ATP11C: variants seen among roughly 807,000 people sequenced by gnomAD.
ATP11C encodes phospholipid-transporting ATPase IG.
In ATP11C, 36 loss-of-function variants were observed where a neutral mutation model predicts 97.4. The observed-to-expected ratio is 0.37, with a 90% CI of 0.28 to 0.49. The LOEUF is 0.49. Ranked by LOEUF, ATP11C falls within the 20% of genes least tolerant of loss-of-function variation. The pLI is 0.98. For synonymous variants in ATP11C, 275 were observed against 290.9 expected (o/e 0.95, Z 0.56); for missense variants, 730 against 824.6 (o/e 0.89, Z 1.40).
intron 18 of ATP11C, among the ~76,000 whole-genome samples, chrX:139,778,209 A>G (rs1257356161): frequency 9.0e-6 from 1 of 111,478 alleles, no homozygotes; most frequent in Non-Finnish European, 1.9e-5. Flanking sequence ...ATCCTGCTAA[A>G]CTAAGCTTCT....
intron 28 of ATP11C, 113 bp downstream of exon 28, chrX:139,737,797 CTGTAAG>C: frequency 4.0e-6 from 3 of 752,193 alleles, no homozygotes; most frequent in Non-Finnish European, 6.2e-6. Flanking sequence ...AGTGATGAAC[CTGTAAG>C]GAGGGGTTTA....
chrX:139,735,367 T>C (rs1036291370), intron 28 of ATP11C, among the ~76,000 whole-genome samples: 2 of 112,192 alleles, frequency 1.8e-5, no homozygotes, highest in Non-Finnish European at 3.8e-5. Context: ...TCTGGCTGTG[T>C]ACATAAAGTG....
chrX:139,860,022 G>A (rs1461145227), intron 1 of ATP11C, among the ~76,000 whole-genome samples: 2 of 79,071 alleles, frequency 2.5e-5, no homozygotes, highest in Non-Finnish European at 4.1e-5. Context: ...GAAGAATGGC[G>A]TGAACCCGGG....
At chrX:139,857,915 G>T (rs1432933287) in intron 1 of ATP11C, among the ~76,000 whole-genome samples, 1 of 112,513 alleles carries the variant, frequency 8.9e-6, no homozygotes, top group African/African-American at 3.2e-5. Flanking sequence ...CAAAACTCAT[G>T]CTGAAATGTG....
intron 1 of ATP11C, among the ~76,000 whole-genome samples, chrX:139,830,027 G>A (rs995449818): frequency 3.6e-5 from 4 of 111,622 alleles, no homozygotes; most frequent in African/African-American, 9.8e-5. Context: ...GACTAGATAA[G>A]AACTGAAGAA....
intron 1 of ATP11C, among the ~76,000 whole-genome samples, chrX:139,930,926 C>A (rs1569494333): frequency 8.9e-6 from 1 of 112,275 alleles, no homozygotes; most frequent in African/African-American, 3.2e-5. Flanking sequence ...ATGAATAAAA[C>A]CAAATCGACA....
intron 23 of ATP11C, among the ~76,000 whole-genome samples, chrX:139,753,579 C>T (rs991639838): frequency 9.0e-6 from 1 of 111,619 alleles, no homozygotes; most frequent in Admixed American, 9.5e-5. Context: ...GAGGCCAACA[C>T]AGGCAGATCA....
intron 1 of ATP11C, among the ~76,000 whole-genome samples, chrX:139,851,821 T>C (rs1274284737): frequency 1.8e-5 from 2 of 112,419 alleles, no homozygotes; most frequent in Admixed American, 9.4e-5. Context: ...TTACTGGGGA[T>C]GAGTTATCCC....
intron 11 of ATP11C, among the ~76,000 whole-genome samples, chrX:139,796,926 C>T (rs1290173781): frequency 1.8e-5 from 2 of 108,875 alleles, no homozygotes; most frequent in Admixed American, 1.9e-4. Flanking sequence ...AGAAAAAAAA[C>T]TCTTTTTTTC....
At chrX:139,931,154 T>C (rs2085426089) in intron 1 of ATP11C, among the ~76,000 whole-genome samples, 1 of 112,300 alleles carries the variant, frequency 8.9e-6, no homozygotes, top group Non-Finnish European at 1.9e-5. Flanking sequence ...CCATTCTTAA[T>C]GTACCCTCTA....
rs1442608467 is a variant in ATP11C at position 139,864,340 on chromosome X, T to C, written c.28-37517A>G. 4.5e-5 allele frequency among the ~76,000 whole-genome samples: 5 copies of C among 112,226 alleles called. No homozygotes were observed. In the Admixed American group the frequency reaches 4.7e-4, roughly 11 times the overall value. The stretch of plus-strand genomic sequence containing the variant: ...AACTTCAAGAAATGCAAGGTTCTTT[T>C]ACCTTTGTGCCAATTTTTGAAAGTA... On this transcript the variant is annotated intron_variant, in intron 1 of 29. Transcript: ENST00000682941.
chrX:139,931,281 G>A, intron 1 of ATP11C, among the ~76,000 whole-genome samples: 1 of 112,023 alleles, frequency 8.9e-6, no homozygotes. Context: ...AACGTGGACG[G>A]AGGAGTCCAG....
intron 1 of ATP11C, among the ~76,000 whole-genome samples, chrX:139,925,029 T>C (rs991254258): frequency 8.9e-6 from 1 of 112,056 alleles, no homozygotes; most frequent in Non-Finnish European, 1.9e-5. Flanking sequence ...CAAACGTTTT[T>C]TTCAACAGTC....
intron 1 of ATP11C, among the ~76,000 whole-genome samples, chrX:139,902,616 C>T (rs1427857199): frequency 1.8e-5 from 2 of 111,981 alleles, no homozygotes; most frequent in Non-Finnish European, 3.8e-5. Context: ...TTAAACCTTA[C>T]GTCAAAATTC....
Position 139,826,872 on chromosome X carries a change from A to T in ATP11C, c.28-49T>A, listed in dbSNP as rs367976779. The T allele has an allele frequency of 6.9e-6, 8 of 1,155,444 alleles. No homozygotes were observed. In the African/African-American group the frequency reaches 1.3e-4, roughly 18 times the overall value. On this transcript the variant is annotated intron_variant, in intron 1 of 29. Coordinates refer to ENST00000682941, the MANE Select transcript of ATP11C (RefSeq NM_001353812.2). ...ATTCAGTTTTTCATCACATTTGTCC[A>T]CACTTCTACCAAGCCCATAATTCTT... is the stretch of plus-strand genomic sequence containing the variant.
intron 1 of ATP11C, among the ~76,000 whole-genome samples, chrX:139,850,700 G>C (rs191105056): frequency 9.0e-6 from 1 of 111,005 alleles, no homozygotes; most frequent in South Asian, 3.9e-4. Context: ...GGATCACGAG[G>C]TCAGGAATTC....
intron 1 of ATP11C, among the ~76,000 whole-genome samples, chrX:139,895,012 T>C (rs2084784164): frequency 8.9e-6 from 1 of 111,870 alleles, no homozygotes; most frequent in Non-Finnish European, 1.9e-5. Context: ...GCCGAGATCA[T>C]GCCATTGTAC....
intron 1 of ATP11C, among the ~76,000 whole-genome samples, chrX:139,922,223 AATATATATATATATATAT>A (rs201394639): frequency 0.021 from 906 of 43,746 alleles, 45 homozygotes; most frequent in Middle Eastern, 0.065. Flanking sequence ...TCCTTCTCTA[AATATATATATATATATAT>A]ATATATATAT....
At chrX:139,854,896 A>G (rs377729856) in intron 1 of ATP11C, among the ~76,000 whole-genome samples, 6 of 112,113 alleles carry the variant, frequency 5.4e-5, no homozygotes, top group African/African-American at 1.9e-4. Context: ...GGTATCATCC[A>G]ATTTTTCTGT....
Sources: gnomAD v4.1 joint callset for allele counts (sites outside exome capture counted in the v4.1 genomes callset) on GRCh38, gnomAD v4.1.1 for gene constraint, MANE v1.5 for transcripts, NCBI Gene and HGNC (gene_info 2026-07-23, HGNC 2026-07-21) for gene names.